Variants in KANSL1 observed in about 807,000 individuals in gnomAD.
KANSL1 encodes the protein MLL1/MLL complex subunit KANSL1.
In KANSL1, 22 loss-of-function variants were observed where a neutral mutation model predicts 103.6. The ratio of observed to expected loss-of-function variants is 0.21; its 90% CI spans 0.15 to 0.30. The LOEUF is 0.30. Ranked by LOEUF, KANSL1 falls within the 10% of genes least tolerant of loss-of-function variation. KANSL1 has a pLI of 1.00. For synonymous variants in KANSL1, 600 were observed against 527.6 expected, an observed-to-expected ratio of 1.14 and a Z score of -1.88; for missense variants, 1,337 against 1,399.8, an observed-to-expected ratio of 0.96 and a Z score of 0.72.
intron 4 of KANSL1, among the ~76,000 whole-genome samples, chr17:46,080,812 T>C (rs1382909268): frequency 7.0e-6 from 1 of 142,226 alleles, no homozygotes; most frequent in Non-Finnish European, 1.5e-5. Context: ...AGGGAAGGGG[T>C]AATCTCTCCT....
At chr17:46,170,710 C>G in intron 2 of KANSL1, 145 bp downstream of exon 2, 4 of 897,532 alleles carry the variant, frequency 4.5e-6, no homozygotes, top group Non-Finnish European at 6.8e-6. Context: ...TGTATATGCA[C>G]TCATCTACCC....
chr17:46,091,284 G>A (rs1598596016), intron 3 of KANSL1, among the ~76,000 whole-genome samples: 1 of 152,140 alleles, frequency 6.6e-6, no homozygotes, highest in East Asian at 1.9e-4. Flanking sequence ...AAGGTGTGAA[G>A]AAAATATTTT....
At chr17:46,083,471 T>G (rs1177045676) in intron 3 of KANSL1, among the ~76,000 whole-genome samples, 2 of 152,074 alleles carry the variant, frequency 1.3e-5, no homozygotes, top group Non-Finnish European at 2.9e-5. Flanking sequence ...CTGGCTTAGG[T>G]CCAACATCTA....
At chr17:46,046,706 G>A (rs1350878308) in intron 7 of KANSL1, among the ~76,000 whole-genome samples, 2 of 151,336 alleles carry the variant, frequency 1.3e-5, no homozygotes, top group Admixed American at 6.6e-5. Flanking sequence ...GCGTGGTGGC[G>A]CGTGCCTGTA....
At chr17:46,197,472 G>A (rs2732662), upstream of KANSL1, among the ~76,000 whole-genome samples, 18,615 of 150,054 alleles carry the variant, frequency 0.12, 23 homozygotes, top group Middle Eastern at 0.19. Flanking sequence ...GTGAAACCCC[G>A]CCTCTACTAA....
At chr17:46,150,899 T>C (rs62063240) in intron 2 of KANSL1, among the ~76,000 whole-genome samples, 17,360 of 142,376 alleles carry the variant, frequency 0.12, no homozygotes, top group Non-Finnish European at 0.18. Context: ...TAAGAACAGC[T>C]AAGTTAACTG....
chr17:46,030,999 G>A lies in KANSL1; in HGVS notation c.*477C>T, dbSNP rs2076991401. On this transcript the variant is annotated 3_prime_UTR_variant, in exon 15 of 15. Coordinates refer to ENST00000432791, the MANE Select transcript of KANSL1 (RefSeq NM_015443.4). ...GGGATGTTCCAGCACGAAAAACCAAGGGGACCCAGCCAGGAGGGCCACAGC... is the reference window on the plus strand; with the variant it reads ...GGGATGTTCCAGCACGAAAAACCAAAGGGACCCAGCCAGGAGGGCCACAGC... 6.3e-6 allele frequency: 1 copy of A among 157,948 alleles called. No homozygotes were observed. Among genetic ancestry groups the A allele is most frequent in the Admixed American group, 6.3e-5 (1 of 15,770 alleles). 9.8% of individuals were successfully genotyped at this position (157,948 alleles called of 1,614,324 possible). A position where few individuals can be genotyped will look rare whatever the true frequency, so the allele number is the denominator to read the frequency against.
chr17:46,153,867 G>A (rs1178294852), intron 2 of KANSL1, among the ~76,000 whole-genome samples: 2 of 152,220 alleles, frequency 1.3e-5, no homozygotes, highest in Non-Finnish European at 2.9e-5. Flanking sequence ...TAAGAAAAGA[G>A]TGAAAAAGTT....
intron 2 of KANSL1, among the ~76,000 whole-genome samples, chr17:46,151,378 T>G (rs2045092278): frequency 6.6e-6 from 1 of 152,226 alleles, no homozygotes; most frequent in Admixed American, 6.5e-5. Flanking sequence ...TTCACAGGTC[T>G]TGCTCACACA....
intron 2 of KANSL1, among the ~76,000 whole-genome samples, chr17:46,168,288 T>C (rs531925631): frequency 2.0e-5 from 3 of 152,346 alleles, no homozygotes; most frequent in South Asian, 4.1e-4. Flanking sequence ...GTCAACCCGG[T>C]GATCTTGCTC....
chr17:46,032,427 CAG>C, intron 13 of KANSL1, 128 bp from the exon 14 acceptor site: 2 of 711,508 alleles, frequency 2.8e-6, no homozygotes, highest in Non-Finnish European at 4.5e-6. Flanking sequence ...CCTTAGGATC[CAG>C]CAACTCCCAT....
At chr17:46,106,603 G>A (rs1314604802) in intron 2 of KANSL1, among the ~76,000 whole-genome samples, 1 of 152,126 alleles carries the variant, frequency 6.6e-6, no homozygotes, top group Non-Finnish European at 1.5e-5. Flanking sequence ...ATGTTGGCCA[G>A]GCTGGTCTCA....
chr17:46,157,236 A>G (rs946073862), intron 2 of KANSL1, among the ~76,000 whole-genome samples: 5 of 152,232 alleles, frequency 3.3e-5, no homozygotes, highest in African/African-American at 1.2e-4. Context: ...ATCACTGTTT[A>G]AGTACTACTT....
intron 3 of KANSL1, among the ~76,000 whole-genome samples, chr17:46,083,521 T>C (rs1424761273): frequency 3.3e-5 from 5 of 152,056 alleles, no homozygotes; most frequent in African/African-American, 7.2e-5. Flanking sequence ...GTCTACCTTT[T>C]TATGGGGGAA....
chr17:46,183,856 T>C (rs2046902740), intron 1 of KANSL1, among the ~76,000 whole-genome samples: 1 of 152,142 alleles, frequency 6.6e-6, no homozygotes, highest in Non-Finnish European at 1.5e-5. Context: ...GCGGCTGCAG[T>C]GAGCTGAGAT....
At chr17:46,165,066 C>T (rs1309732257) in intron 2 of KANSL1, among the ~76,000 whole-genome samples, 2 of 152,196 alleles carry the variant, frequency 1.3e-5, no homozygotes, top group Non-Finnish European at 2.9e-5. Flanking sequence ...GACATCACGC[C>T]ACTGCACTCC....
intron 2 of KANSL1, among the ~76,000 whole-genome samples, chr17:46,096,311 C>CTTTCTTTCTTTCTTT (rs753073992): frequency 2.4e-4 from 18 of 76,406 alleles, no homozygotes; most frequent in Non-Finnish European, 3.7e-4. Context: ...GCTTTTTTTT[C>CTTTCTTTCTTTCTTT]TTTTTTTTTT....
chr17:46,142,773 A>C (rs1034133714), intron 2 of KANSL1, among the ~76,000 whole-genome samples: 47 of 152,358 alleles, frequency 3.1e-4, no homozygotes, highest in Admixed American at 2.6e-3. Context: ...TAAACAAAAA[A>C]CCTGCTTGTT....
In KANSL1 at chr17:46,171,503, C is replaced by T. The variant is rs746645554; in HGVS notation, c.641G>A (p.Ser214Asn). The T allele has an allele frequency of 1.5e-5, 25 of 1,613,954 alleles. No individual in the cohort carries two copies. The highest frequency in any genetic ancestry group is 4.0e-5 in the African/African-American group (3 of 74,894). Residue 214 changes from serine (S) to asparagine (N), a missense_variant, in exon 2 of 15, where the codon AGC becomes AAC. Ser to Asn is a conservative substitution (Grantham distance 46). Coordinates refer to ENST00000432791, the MANE Select transcript of KANSL1 (RefSeq NM_015443.4). ...GMTNCTLPHRSLDVEHTTLYS... is the reference protein window; with the variant it reads ...GMTNCTLPHRNLDVEHTTLYS... ...CAAAGTTGTGTGTTCTACATCAAGG[C>T]TTCTATGTGGAAGAGTGCAATTGGT...
Sources: gnomAD v4.1 joint callset for allele counts (sites outside exome capture counted in the v4.1 genomes callset) on GRCh38, gnomAD v4.1.1 for gene constraint, MANE v1.5 for transcripts, NCBI Gene and HGNC (gene_info 2026-07-23, HGNC 2026-07-21) for gene names.